AKR7A2: variants seen among roughly 807,000 people sequenced by gnomAD.
AKR7A2 encodes aflatoxin B1 aldehyde reductase member 2.
A neutral mutation model predicts 37.3 loss-of-function variants in AKR7A2; 29 were observed. The ratio of observed to expected loss-of-function variants is 0.78; its 90% CI spans 0.58 to 1.06. The LOEUF is 1.06. Ranked by LOEUF, AKR7A2 falls within the 50% of genes least tolerant of loss-of-function variation. The probability of loss-of-function intolerance (pLI) is 0.00; values close to 1 mark genes in which losing one functional copy is unlikely to be tolerated. For missense variants in AKR7A2, 529 were observed against 497.9 expected, an observed-to-expected ratio of 1.06 and a Z score of -0.59; for synonymous variants, 228 against 217.8, an observed-to-expected ratio of 1.05 and a Z score of -0.41.
At chr1:19,310,818 G>A (rs2093772450) in intron 1 of AKR7A2, among the ~76,000 whole-genome samples, 2 of 152,094 alleles carry the variant, frequency 1.3e-5, no homozygotes, top group Non-Finnish European at 2.9e-5. Flanking sequence ...CCTCAGGGGT[G>A]GGGAGCAACA....
At chr1:19,308,072 G>C in intron 3 of AKR7A2, 86 bp downstream of exon 3, 1 of 1,540,484 alleles carries the variant, frequency 6.5e-7, no homozygotes, top group East Asian at 2.3e-5. Flanking sequence ...CTATGCAGAC[G>C]GCACAGGGGG....
intron 1 of AKR7A2, among the ~76,000 whole-genome samples, chr1:19,310,781 A>T (rs756496674): frequency 4.3e-4 from 65 of 151,998 alleles, no homozygotes; most frequent in Non-Finnish European, 8.4e-4. Context: ...AAGCGCTATG[A>T]CTCAGGAGGA....
At chr1:19,305,055 G>A (rs530650531) in intron 6 of AKR7A2, 1 of 159,552 alleles carries the variant, frequency 6.3e-6, no homozygotes, top group African/African-American at 2.4e-5. Context: ...GGGAGGTAGT[G>A]CGGTGTGGTG....
At chr1:19,311,740 C>T (rs1389479315) in intron 1 of AKR7A2, 87 bp downstream of exon 1, 1 of 1,560,004 alleles carries the variant, frequency 6.4e-7, no homozygotes, top group South Asian at 1.1e-5. Flanking sequence ...CGGTGCTGCC[C>T]GCGGCCGGGC....
In AKR7A2 at chr1:19,306,027, T is replaced by G; in HGVS notation, c.909A>C (p.Ser303=). ...SAALRWMYHH[S]QLQGAHGDAV... ...CAGGGTCGCTGGTTACCTGCAGCTG[T>G]GAGTGGTGGTACATCCACCGGAGGG... The change falls in exon 6 of 7, where the codon TCA becomes TCC. Residue 303 remains serine, a synonymous_variant. Transcript: ENST00000235835. 3 of 1,613,966 alleles carry G rather than the reference T, an allele frequency of 1.9e-6. No homozygotes were observed. The highest frequency in any genetic ancestry group is 2.5e-6 in the Non-Finnish European group (3 of 1,179,894).
downstream of AKR7A2, among the ~76,000 whole-genome samples, chr1:19,302,863 T>C (rs1287439651): frequency 6.6e-6 from 1 of 152,044 alleles, no homozygotes; most frequent in Non-Finnish European, 1.5e-5. Context: ...GATTAATTTT[T>C]TGTATTTTTG....
rs1351202765 is a variant in AKR7A2, at chr1:19,304,244, C to T, written c.1061G>A (p.Cys354Tyr). The T allele has an allele frequency of 6.2e-7, 1 of 1,614,182 alleles. No homozygotes were observed. ...NQAWHLVAHE[C>Y]PNYFR is the part of the protein sequence containing the mutation. ...ATGGGCCTAGCGGAAGTAGTTGGGA[C>T]ATTCGTGAGCAACCAAATGCCAGGC... The change falls in exon 7 of 7, where the codon TGT (cysteine) becomes TAT (tyrosine). Residue 354 changes from cysteine to tyrosine, a missense_variant. Transcript: ENST00000235835.
chr1:19,306,862 G>GA, intron 5 of AKR7A2, 140 bp downstream of exon 5: 1 of 767,792 alleles, frequency 1.3e-6, no homozygotes, highest in Non-Finnish European at 2.3e-6. Flanking sequence ...CCCACAGAGG[G>GA]CTTGGGAATT....
chr1:19,303,899 T>C (rs780432234), downstream of AKR7A2: 21 of 389,606 alleles, frequency 5.4e-5, no homozygotes, highest in Non-Finnish European at 9.3e-5. Flanking sequence ...CTCCAGCCCA[T>C]GGTTCTGCCC....
At chr1:19,309,708 T>C (rs2151989824) in intron 1 of AKR7A2, among the ~76,000 whole-genome samples, 1 of 152,142 alleles carries the variant, frequency 6.6e-6, no homozygotes, top group Middle Eastern at 3.4e-3. Flanking sequence ...GAGAATTACT[T>C]GAGCCCAAGA....
Position 19,306,038 on chromosome 1 carries a change from A to C in AKR7A2, c.898T>G (p.Tyr300Asp). 1 of 1,614,058 alleles carries C rather than the reference A, an allele frequency of 6.2e-7. No homozygotes were observed. The highest frequency in any genetic ancestry group is 8.5e-7 in the Non-Finnish European group (1 of 1,179,936). ...GTTACCTGCAGCTGTGAGTGGTGGT[A>C]CATCCACCGGAGGGCAGCCGAGGTC... Reference protein sequence around the residue: ...SVTSAALRWMYHHSQLQGAHG... With the variant: ...SVTSAALRWMDHHSQLQGAHG... The change falls in exon 6 of 7, where the codon TAC becomes GAC. Residue 300 changes from tyrosine to aspartate, a missense_variant. By Grantham distance (160) the Tyr-to-Asp change is radical. Transcript: ENST00000235835.
intron 1 of AKR7A2, 33 bp from the exon 2 acceptor site, chr1:19,308,675 A>T: frequency 6.3e-7 from 1 of 1,598,922 alleles, no homozygotes; most frequent in South Asian, 1.1e-5. Context: ...TAAGTGACCT[A>T]TTAGAGCCAT....
chr1:19,310,463 T>C (rs925703353), intron 1 of AKR7A2, among the ~76,000 whole-genome samples: 4 of 152,108 alleles, frequency 2.6e-5, no homozygotes, highest in African/African-American at 9.7e-5. Flanking sequence ...TTTGGGAGGC[T>C]GAGGTGGGCA....
chr1:19,303,094 C>T (rs2093755239), downstream of AKR7A2, among the ~76,000 whole-genome samples: 1 of 150,846 alleles, frequency 6.6e-6, no homozygotes, highest in African/African-American at 2.4e-5. Flanking sequence ...TACGGGTAAA[C>T]AGAAAAGACG....
At chr1:19,311,800 A>T (rs1427856128) in intron 1 of AKR7A2, 27 bp downstream of exon 1, 23 of 1,609,764 alleles carry the variant, frequency 1.4e-5, no homozygotes, top group Non-Finnish European at 2.0e-5. Context: ...TACACGATGC[A>T]TGGGGAGGAT....
intron 1 of AKR7A2, 87 bp downstream of exon 1, chr1:19,311,740 C>A: frequency 6.4e-7 from 1 of 1,560,006 alleles, no homozygotes. Context: ...CGGTGCTGCC[C>A]GCGGCCGGGC....
chr1:19,305,011 T>A lies in AKR7A2; in HGVS notation c.919-625A>T, dbSNP rs150135956. On this transcript the variant is annotated intron_variant, in intron 6 of 6. Transcript: ENST00000235835. Reference sequence around the variant, plus strand: ...GATCTTTTTTTTTTTCAAACAAAAATATTTTTCCTTGTGTTTTGTACACAA... The same window carrying A: ...GATCTTTTTTTTTTTCAAACAAAAAAATTTTTCCTTGTGTTTTGTACACAA... The A allele has an allele frequency of 5.9e-3, 951 of 160,004 alleles. 8 individuals carry two copies. The highest frequency in any genetic ancestry group is 0.021 in the African/African-American group (884 of 41,432). 9.9% of individuals were successfully genotyped at this position (160,004 alleles called of 1,614,324 possible).
intron 3 of AKR7A2, 56 bp downstream of exon 3, chr1:19,308,102 A>G (rs1272029108): frequency 6.2e-7 from 1 of 1,605,368 alleles, no homozygotes. Context: ...GGGCAAAGAG[A>G]GCCCAGGATT....
At chr1:19,307,655 G>C in intron 3 of AKR7A2, 1 of 582,406 alleles carries the variant, frequency 1.7e-6, no homozygotes. Flanking sequence ...ACCACAAGTA[G>C]GTATCACAAA....
Sources: gnomAD v4.1 joint callset for allele counts (sites outside exome capture counted in the v4.1 genomes callset) on GRCh38, gnomAD v4.1.1 for gene constraint, MANE v1.5 for transcripts, NCBI Gene and HGNC (gene_info 2026-07-23, HGNC 2026-07-21) for gene names.